The following ATRNL1 variants were observed in gnomAD, a reference collection of about 807,000 sequenced individuals.
ATRNL1 encodes attractin like 1.
ATRNL1 carries 95 observed loss-of-function variants against 182.7 expected under a neutral mutation model. That is an observed-to-expected ratio of 0.52 (90% CI 0.44 to 0.62). ATRNL1 has a LOEUF of 0.62. ATRNL1 is among the 20% of genes least tolerant of loss of function. The pLI, the probability that ATRNL1 is intolerant of heterozygous loss-of-function variation, is 0.00. For missense variants in ATRNL1, 1,471 were observed against 1,679.5 expected (o/e 0.88, Z 2.17); for synonymous variants, 576 against 568.3 (o/e 1.01, Z -0.19).
At chr10:115,303,663 C>T (rs1853594640) in intron 17 of ATRNL1, among the ~76,000 whole-genome samples, 1 of 152,118 alleles carries the variant, frequency 6.6e-6, no homozygotes, top group African/African-American at 2.4e-5. Flanking sequence ...ATCTGAGTGT[C>T]CAGGAAGCTC....
intron 20 of ATRNL1, among the ~76,000 whole-genome samples, chr10:115,401,440 C>G (rs946514416): frequency 6.6e-6 from 1 of 151,870 alleles, no homozygotes; most frequent in South Asian, 2.1e-4. Flanking sequence ...CATTCTGGAC[C>G]CAGTCAAGAT....
At position 115,947,595 on chromosome 10, in the gene ATRNL1, A is replaced by G. The variant is rs1953903823; in HGVS notation, c.*2816A>G. On this transcript the variant is annotated 3_prime_UTR_variant, in exon 29 of 29. Transcript: ENST00000355044. ...TTAAATGAAAATTTGTTTTAGTGAT[A>G]CACAGAGATGCCGTATACTATAGTG... 1 of 152,668 alleles carries G rather than the reference A, an allele frequency of 6.6e-6. No homozygotes were observed. Among genetic ancestry groups the G allele is most frequent in the Non-Finnish European group, 1.5e-5 (1 of 68,040 alleles). 9.5% of individuals were successfully genotyped at this position (152,668 alleles called of 1,614,324 possible). A position where few individuals can be genotyped will look rare whatever the true frequency, so the allele number is the denominator to read the frequency against.
intron 5 of ATRNL1, among the ~76,000 whole-genome samples, chr10:115,130,232 A>G (rs1845170311): frequency 6.6e-6 from 1 of 152,158 alleles, no homozygotes; most frequent in South Asian, 2.1e-4. Context: ...ACATTTACCT[A>G]TGAAGAGCTT....
At chr10:115,284,937 T>C (rs915433299) in intron 14 of ATRNL1, among the ~76,000 whole-genome samples, 3 of 152,184 alleles carry the variant, frequency 2.0e-5, no homozygotes, top group African/African-American at 7.2e-5. Flanking sequence ...AATACCTACA[T>C]TCTAGATTCT....
chr10:115,475,306 C>T (rs1174021569), intron 24 of ATRNL1, among the ~76,000 whole-genome samples: 1 of 151,374 alleles, frequency 6.6e-6, no homozygotes, highest in Non-Finnish European at 1.5e-5. Flanking sequence ...GCATGAAATG[C>T]TGCTATCATT....
intron 27 of ATRNL1, among the ~76,000 whole-genome samples, chr10:115,829,044 C>A (rs534085547): frequency 6.6e-6 from 1 of 151,952 alleles, no homozygotes; most frequent in Non-Finnish European, 1.5e-5. Context: ...CACAATCACC[C>A]TTTTTTTCAG....
intron 6 of ATRNL1, among the ~76,000 whole-genome samples, chr10:115,164,896 T>G (rs1554884007): frequency 6.6e-6 from 1 of 152,030 alleles, no homozygotes; most frequent in East Asian, 1.9e-4. Flanking sequence ...AGGAATAAGT[T>G]GTAGTATTTG....
Position 115,531,272 on chromosome 10 carries a change from C to A in ATRNL1, c.3716+11948C>A, listed in dbSNP as rs549375768. On this transcript the variant is annotated intron_variant, in intron 25 of 28. Transcript: ENST00000355044. ...GTGTAAAAGTGTTCCTATTTCTCCA[C>A]ATCCTCTCCAGCACCCGTTGTTTCC... Among the ~76,000 whole-genome samples, 6 of 152,204 alleles carry A rather than the reference C, an allele frequency of 3.9e-5. No homozygotes were observed. The South Asian group carries it at 1.2e-3, about 32-fold the overall frequency.
chr10:115,819,687 T>C lies in ATRNL1; in HGVS notation c.3904-28190T>C, dbSNP rs79696029. Among the ~76,000 whole-genome samples the C allele has an allele frequency of 2.3e-3, 354 of 152,238 alleles. 1 individual carries two copies. Among genetic ancestry groups the C allele is most frequent in the African/African-American group, 8.2e-3 (341 of 41,554 alleles). On this transcript the variant is annotated intron_variant, in intron 27 of 28. Transcript: ENST00000355044. ...CCTCTCAGTAGCACCCTGTACTTTA[T>C]ATGAAAATTAAGTTTTACTTCATAA...
intron 26 of ATRNL1, among the ~76,000 whole-genome samples, chr10:115,639,419 A>T (rs115698464): frequency 1.4e-3 from 213 of 152,352 alleles, no homozygotes; most frequent in African/African-American, 4.7e-3. Flanking sequence ...AAAGGAAATG[A>T]CAAAGGAAAG....
At chr10:115,437,807 T>G (rs1554965010) in intron 21 of ATRNL1, among the ~76,000 whole-genome samples, 1 of 152,024 alleles carries the variant, frequency 6.6e-6, no homozygotes, top group Non-Finnish European at 1.5e-5. Flanking sequence ...GTGAAATAAC[T>G]TTATCGAATG....
chr10:115,142,651 A>G (rs1212782786), intron 5 of ATRNL1, among the ~76,000 whole-genome samples: 1 of 152,174 alleles, frequency 6.6e-6, no homozygotes, highest in Non-Finnish European at 1.5e-5. Context: ...TAAAGCTCCT[A>G]TTGGTTTCCA....
intron 8 of ATRNL1, among the ~76,000 whole-genome samples, chr10:115,196,415 A>G (rs1247008163): frequency 6.6e-6 from 1 of 152,104 alleles, no homozygotes; most frequent in Non-Finnish European, 1.5e-5. Flanking sequence ...GAGCTATTCT[A>G]GGTCCTTCAT....
At chr10:115,895,246 C>T (rs73365714) in intron 28 of ATRNL1, among the ~76,000 whole-genome samples, 2,365 of 152,272 alleles carry the variant, frequency 0.016, 49 homozygotes, top group African/African-American at 0.049. Context: ...AAGAGGTACA[C>T]AGTCCAAGGT....
At chr10:115,535,598 T>C (rs1435313964) in intron 25 of ATRNL1, among the ~76,000 whole-genome samples, 1 of 152,232 alleles carries the variant, frequency 6.6e-6, no homozygotes, top group Non-Finnish European at 1.5e-5. Flanking sequence ...GAAGCCTTCT[T>C]CTCTCAACTC....
At chr10:115,698,712 A>C (rs1306622118) in intron 26 of ATRNL1, among the ~76,000 whole-genome samples, 1 of 151,998 alleles carries the variant, frequency 6.6e-6, no homozygotes, top group Non-Finnish European at 1.5e-5. Context: ...TGCGAGGCAG[A>C]GGTTGCAGTG....
chr10:115,653,812 CTGGCT>C (rs1860157397), intron 26 of ATRNL1, among the ~76,000 whole-genome samples: 1 of 152,174 alleles, frequency 6.6e-6, no homozygotes, highest in Admixed American at 6.5e-5. Flanking sequence ...GCACAGTGCC[CTGGCT>C]CATAGCAGAC....
At chr10:115,240,732 C>A (rs1290316963) in intron 9 of ATRNL1, among the ~76,000 whole-genome samples, 2 of 151,908 alleles carry the variant, frequency 1.3e-5, no homozygotes, top group African/African-American at 4.8e-5. Context: ...TTTATATTGT[C>A]ATGCACCTTT....
chr10:115,920,002 G>T (rs1953000048), intron 28 of ATRNL1, among the ~76,000 whole-genome samples: 1 of 152,240 alleles, frequency 6.6e-6, no homozygotes, highest in African/African-American at 2.4e-5. Context: ...GGATTTGGGG[G>T]AGACATATTC....
Sources: allele counts gnomAD v4.1 joint callset (sites outside exome capture counted in the v4.1 genomes callset), GRCh38; gene constraint gnomAD v4.1.1; transcripts MANE v1.5; gene names NCBI Gene and HGNC (gene_info 2026-07-23, HGNC 2026-07-21).